The following SOS2 variants were observed in gnomAD, a reference collection of about 807,000 sequenced individuals.
SOS2 encodes SOS Ras/Rho guanine nucleotide exchange factor 2.
SOS2 carries 65 observed loss-of-function variants against 148.2 expected under a neutral mutation model. The ratio of observed to expected loss-of-function variants is 0.44; its 90% CI spans 0.36 to 0.54. The LOEUF (loss-of-function observed/expected upper bound fraction) is 0.54, where lower values mean the gene tolerates loss of function less well. Ranked by LOEUF, SOS2 falls within the 20% of genes least tolerant of loss-of-function variation. The probability of loss-of-function intolerance (pLI) is 0.00; values close to 1 mark genes in which losing one functional copy is unlikely to be tolerated. For synonymous variants in SOS2, 539 were observed against 537.1 expected (o/e 1.00, Z -0.05); for missense variants, 1,341 against 1,590.2 (o/e 0.84, Z 2.67).
At chr14:50,176,014 T>A (rs947431041) in intron 7 of SOS2, among the ~76,000 whole-genome samples, 33 of 152,216 alleles carry the variant, frequency 2.2e-4, no homozygotes, top group Admixed American at 1.4e-3. Flanking sequence ...TCAAAAGTCA[T>A]ATATTGAAAC....
chr14:50,191,412 T>C (rs1175821498), intron 4 of SOS2, among the ~76,000 whole-genome samples: 1 of 152,128 alleles, frequency 6.6e-6, no homozygotes, highest in Non-Finnish European at 1.5e-5. Flanking sequence ...GAAGCTGCAG[T>C]GAGCTAATAT....
chr14:50,217,705 C>A (rs1887074646), intron 1 of SOS2, among the ~76,000 whole-genome samples: 1 of 152,048 alleles, frequency 6.6e-6, no homozygotes, highest in Non-Finnish European at 1.5e-5. Context: ...GCCTGTAATC[C>A]CAGCACTTTG....
In SOS2 at chr14:50,118,866, AGT is replaced by A. The variant is rs2139465948; in HGVS notation, c.3490-15_3490-14del. 3 of 1,436,894 alleles carry A rather than the reference AGT, an allele frequency of 2.1e-6. No homozygotes were observed. The highest frequency in any genetic ancestry group is 2.8e-6 in the Non-Finnish European group (3 of 1,081,978). 89.0% of individuals were successfully genotyped at this position (1,436,894 alleles called of 1,614,324 possible). On this transcript the variant is annotated splice_polypyrimidine_tract_variant and intron_variant, in intron 22 of 22. Coordinates refer to ENST00000216373, the MANE Select transcript of SOS2 (RefSeq NM_006939.4). ...ATTTCATATTTCCCTCAAAAAAAAA[AGT>A]AATTAAATTATACCTCTATTCTGAA...
chr14:50,183,767 A>G (rs1461326544), intron 5 of SOS2, among the ~76,000 whole-genome samples: 1 of 152,210 alleles, frequency 6.6e-6, no homozygotes, highest in Non-Finnish European at 1.5e-5. Context: ...ATCCTGTTAC[A>G]ATCTGGTTTC....
At chr14:50,195,012 T>A (rs1050014583) in intron 4 of SOS2, among the ~76,000 whole-genome samples, 7 of 152,000 alleles carry the variant, frequency 4.6e-5, no homozygotes, top group Non-Finnish European at 1.0e-4. Context: ...ATTCAATTTT[T>A]AAAATATCTA....
chr14:50,190,658 G>A (rs1259459908), intron 4 of SOS2, among the ~76,000 whole-genome samples: 2 of 152,160 alleles, frequency 1.3e-5, no homozygotes, highest in Non-Finnish European at 2.9e-5. Flanking sequence ...AAATGATACT[G>A]GATTTCATTG....
At chr14:50,161,035 G>C (rs1318879802) in intron 9 of SOS2, among the ~76,000 whole-genome samples, 1 of 150,286 alleles carries the variant, frequency 6.7e-6, no homozygotes, top group Non-Finnish European at 1.5e-5. Context: ...AAAAGGCTGG[G>C]CGCAGCGGCT....
chr14:50,198,761 AGTAT>A (rs889625495), intron 4 of SOS2, among the ~76,000 whole-genome samples: 2 of 152,186 alleles, frequency 1.3e-5, no homozygotes, highest in African/African-American at 4.8e-5. Flanking sequence ...TGGACTTACT[AGTAT>A]GATAGTTTTA....
intron 14 of SOS2, 58 bp from the exon 15 acceptor site, chr14:50,145,654 T>A (rs1485932596): frequency 4.3e-6 from 5 of 1,152,692 alleles, no homozygotes; most frequent in Non-Finnish European, 6.2e-6. Flanking sequence ...TACTTAAAGA[T>A]CTTCTAAAAC....
intron 20 of SOS2, 52 bp from the exon 21 acceptor site, chr14:50,130,054 A>G (rs768569522): frequency 1.8e-6 from 2 of 1,111,078 alleles, no homozygotes; most frequent in South Asian, 2.7e-5. Context: ...TGTAGGTATT[A>G]TTTTTTAAAT....
intron 21 of SOS2, among the ~76,000 whole-genome samples, chr14:50,126,427 T>G (rs936173387): frequency 6.6e-6 from 1 of 152,170 alleles, no homozygotes; most frequent in African/African-American, 2.4e-5. Context: ...CTTAGCTGAT[T>G]TGATCATTCC....
intron 21 of SOS2, among the ~76,000 whole-genome samples, chr14:50,128,348 C>G (rs1192762361): frequency 6.6e-6 from 1 of 152,108 alleles, no homozygotes; most frequent in African/African-American, 2.4e-5. Context: ...GAAAACCCTG[C>G]TAGGTTCCCT....
intron 14 of SOS2, among the ~76,000 whole-genome samples, chr14:50,146,293 C>T (rs190594140): frequency 1.8e-4 from 27 of 152,126 alleles, no homozygotes; most frequent in Non-Finnish European, 3.1e-4. Context: ...AGATACATAT[C>T]GGATGACTCA....
chr14:50,148,409 CAAA>C (rs3072684), intron 14 of SOS2, among the ~76,000 whole-genome samples: 37,184 of 118,426 alleles, frequency 0.31, 5,585 homozygotes, highest in Non-Finnish European at 0.4. Context: ...GACACCATCT[CAAA>C]AAAAAAAAAA....
At chr14:50,179,122 T>C (rs574962641) in intron 7 of SOS2, among the ~76,000 whole-genome samples, 225 of 152,328 alleles carry the variant, frequency 1.5e-3, no homozygotes, top group Admixed American at 3.1e-3. Context: ...CCACTGGATT[T>C]GGCAATTAAG....
At chr14:50,193,252 G>A (rs1379415218) in intron 4 of SOS2, among the ~76,000 whole-genome samples, 1 of 151,868 alleles carries the variant, frequency 6.6e-6, no homozygotes, top group Non-Finnish European at 1.5e-5. Context: ...ATGCTACCCA[G>A]GCTGGTCTCA....
intron 4 of SOS2, among the ~76,000 whole-genome samples, chr14:50,197,625 T>C (rs1886352817): frequency 6.6e-6 from 1 of 151,656 alleles, no homozygotes; most frequent in South Asian, 2.1e-4. Context: ...AACCACAGGA[T>C]TACACTGCAG....
At chr14:50,211,761 G>A (rs185914292) in intron 1 of SOS2, among the ~76,000 whole-genome samples, 95 of 152,132 alleles carry the variant, frequency 6.2e-4, no homozygotes, top group Non-Finnish European at 1.2e-3. Context: ...CCCAGCCTAG[G>A]AGGGAAAATT....
At chr14:50,134,391 C>G in intron 18 of SOS2, 152 bp from the exon 19 acceptor site, 1 of 531,674 alleles carries the variant, frequency 1.9e-6, no homozygotes, top group East Asian at 3.3e-5. Context: ...GAAAAGTTCA[C>G]AAGTGTTGCT....
Sources: gnomAD v4.1 joint callset for allele counts (sites outside exome capture counted in the v4.1 genomes callset) on GRCh38, gnomAD v4.1.1 for gene constraint, MANE v1.5 for transcripts, NCBI Gene and HGNC (gene_info 2026-07-23, HGNC 2026-07-21) for gene names.